Variants in TENT5A observed in about 807,000 individuals in gnomAD.
TENT5A encodes terminal nucleotidyltransferase 5A, also known as HBV X-transactivated gene 11 protein.
Under a neutral mutation model 30.2 loss-of-function variants are expected in TENT5A, and 9 were observed. The observed-to-expected ratio is 0.30, with a 90% CI of 0.18 to 0.52. The LOEUF (loss-of-function observed/expected upper bound fraction) is 0.52. TENT5A is among the 20% of genes least tolerant of loss of function. TENT5A has a pLI of 0.97. For synonymous variants in TENT5A, 264 were observed against 234.2 expected, an observed-to-expected ratio of 1.13 and a Z score of -1.16; for missense variants, 411 against 566.1, an observed-to-expected ratio of 0.73 and a Z score of 2.78.
chr6:81,751,525 G>T, intron 2 of TENT5A, 65 bp downstream of exon 2: 2 of 1,432,028 alleles, frequency 1.4e-6, no homozygotes, highest in Non-Finnish European at 1.9e-6. Flanking sequence ...ATGCCCCTCT[G>T]CCCGCTCCCC....
Position 81,746,270 on chromosome 6 carries a change from A to T in TENT5A, c.*3425T>A. 1.7e-6 allele frequency: 2 copies of T among 1,186,642 alleles called. No homozygotes were observed. Among genetic ancestry groups the T allele is most frequent in the Non-Finnish European group, 2.1e-6 (2 of 960,092 alleles). The allele number at this position is 1,186,642 out of a possible 1,614,324, so 73.5% of individuals were successfully genotyped here. On this transcript the variant is annotated 3_prime_UTR_variant, in exon 3 of 3. Coordinates refer to ENST00000320172, the MANE Select transcript of TENT5A (RefSeq NM_017633.3). ...CAAAAAAGCTTATTTTTGAACTGACAGCTTTCAACATAATACATTTCATTT... is the reference window on the plus strand; with the variant it reads ...CAAAAAAGCTTATTTTTGAACTGACTGCTTTCAACATAATACATTTCATTT...
In TENT5A at chr6:81,749,835, T is replaced by G. The variant is rs760735219; in HGVS notation, c.1189A>C (p.Asn397His). 3.7e-6 allele frequency: 6 copies of G among 1,613,976 alleles called. No individual in the cohort carries two copies. In the African/African-American group the frequency reaches 8.0e-5, roughly 22 times the overall value. ...TAATAGCAAGTGACATTAGCCACAT[T>G]AGGAATGACATTTTGGTCAGCTAAC... Reference protein sequence around the residue: ...RVLADQNVIPNVANVTCYYQP... With the variant: ...RVLADQNVIPHVANVTCYYQP... The change falls in exon 3 of 3, where the codon AAT becomes CAT. Residue 397 changes from asparagine to histidine, a missense_variant. Coordinates refer to ENST00000320172, the MANE Select transcript of TENT5A (RefSeq NM_017633.3).
Position 81,750,609 on chromosome 6 carries a change from A to G in TENT5A, c.553-138T>C, listed in dbSNP as rs1289094162. 1.7e-6 allele frequency: 1 copy of G among 577,780 alleles called. No individual in the cohort carries two copies. The highest frequency in any genetic ancestry group is 3.0e-5 in the East Asian group (1 of 32,984). The allele number at this position is 577,780 out of a possible 1,614,324, so 35.8% of individuals were successfully genotyped here. On this transcript the variant is annotated intron_variant, in intron 2 of 2. Transcript: ENST00000320172. This position sits in a 1 kb window ranked among gnomAD's most constrained non-coding sequence, Gnocchi z 4.2. Reference sequence around the variant, plus strand: ...CAAGTTTCAGCCAAACACTACCTACAGGCTTAAACGGTCTTCTGAAAATAG... The same window carrying G: ...CAAGTTTCAGCCAAACACTACCTACGGGCTTAAACGGTCTTCTGAAAATAG...
In TENT5A at chr6:81,745,881, C is replaced by A. The variant is rs974925131; in HGVS notation, c.*3814G>T. ...AACTCCTTTTCTGCCTGTGACGCAG[C>A]CTATAGTCAAAATATTCCAAAAGAG... On this transcript the variant is annotated 3_prime_UTR_variant, in exon 3 of 3. Transcript: ENST00000320172. 2 of 985,472 alleles carry A rather than the reference C, an allele frequency of 2.0e-6. No homozygotes were observed. The highest frequency in any genetic ancestry group is 6.2e-5 in the Admixed American group (1 of 16,256). 61.0% of individuals were successfully genotyped at this position (985,472 alleles called of 1,614,324 possible).
rs1184773963 is a variant in TENT5A at position 81,746,614 on chromosome 6, G to A, written c.*3081C>T. 1.6e-6 allele frequency: 2 copies of A among 1,231,962 alleles called. No homozygotes were observed. Among genetic ancestry groups the A allele is most frequent in the South Asian group, 4.1e-5 (1 of 24,324 alleles). The allele number at this position is 1,231,962 out of a possible 1,614,324, so 76.3% of individuals were successfully genotyped here. Reference sequence around the variant, plus strand: ...ACCTTTAAAAACGGCATTGTCACAGGCTATGTGTTCTCTGACATGCCAGGC... The same window carrying A: ...ACCTTTAAAAACGGCATTGTCACAGACTATGTGTTCTCTGACATGCCAGGC... On this transcript the variant is annotated 3_prime_UTR_variant, in exon 3 of 3. Coordinates refer to ENST00000320172, the MANE Select transcript of TENT5A (RefSeq NM_017633.3).
Position 81,747,852 on chromosome 6 carries a change from C to A in TENT5A, c.*1843G>T. On this transcript the variant is annotated 3_prime_UTR_variant, in exon 3 of 3. Transcript: ENST00000320172. ...GGAGAAAGGGTGGTTTTAGGATTAG[C>A]TGTTATTGAACTGAAATAGTAATGC... The A allele has an allele frequency of 1.0e-6, 1 of 985,768 alleles. No homozygotes were observed. The highest frequency in any genetic ancestry group is 1.2e-6 in the Non-Finnish European group (1 of 829,894). The allele number at this position is 985,768 out of a possible 1,614,324, so 61.1% of individuals were successfully genotyped here.
chr6:81,752,010 A>AAGTCGCCGCCGCCGAAGTCGCCG lies in TENT5A; in HGVS notation c.131_132insCGGCGACTTCGGCGGCGGCGACT (p.Gly46AspfsTer29), dbSNP rs1769048919. On this transcript the variant is annotated frameshift_variant, in exon 2 of 3. Transcript: ENST00000320172. LOFTEE classifies it high-confidence loss of function. ...AGCAATGCCCACCGAAGCTGCCGCC[A>AAGTCGCCGCCGCCGAAGTCGCCG]CCGCCGAAGTCGCCGCCGCCGAAGT... The AAGTCGCCGCCGCCGAAGTCGCCG allele has an allele frequency of 2.5e-5, 33 of 1,341,592 alleles. No homozygotes were observed. Among genetic ancestry groups the AAGTCGCCGCCGCCGAAGTCGCCG allele is most frequent in the African/African-American group, 1.9e-4 (12 of 61,968 alleles). 83.1% of individuals were successfully genotyped at this position (1,341,592 alleles called of 1,614,324 possible).
chr6:81,752,202 C>T, intron 1 of TENT5A, 24 bp from the exon 2 acceptor site: 1 of 1,476,544 alleles, frequency 6.8e-7, no homozygotes, highest in Middle Eastern at 1.8e-4. Flanking sequence ...GAAAGGAGCG[C>T]GGTGAGGACG....
In TENT5A at chr6:81,748,035, G is replaced by A. The variant is rs1224707933; in HGVS notation, c.*1660C>T. ...TTCATATTGACATGATTTATAAAAT[G>A]TTATATATAATATATATCTCATATA... On this transcript the variant is annotated 3_prime_UTR_variant, in exon 3 of 3. Coordinates refer to ENST00000320172, the MANE Select transcript of TENT5A (RefSeq NM_017633.3). 11 of 958,786 alleles carry A rather than the reference G, an allele frequency of 1.1e-5. No homozygotes were observed. Among genetic ancestry groups the A allele is most frequent in the Non-Finnish European group, 1.4e-5 (11 of 805,680 alleles). The allele number at this position is 958,786 out of a possible 1,614,324, so 59.4% of individuals were successfully genotyped here. A position where few individuals can be genotyped will look rare whatever the true frequency, so the allele number is the denominator to read the frequency against.
At position 81,746,838 on chromosome 6, in the gene TENT5A, A is replaced by G; in HGVS notation, c.*2857T>C. The stretch of plus-strand genomic sequence containing the variant: ...TTAGGCCGCACATCCACAAAGAGAG[A>G]CATATATTTCACTGTGTGTTCAACT... On this transcript the variant is annotated 3_prime_UTR_variant, in exon 3 of 3. Coordinates refer to ENST00000320172, the MANE Select transcript of TENT5A (RefSeq NM_017633.3). The G allele has an allele frequency of 4.3e-6, 5 of 1,152,168 alleles. No homozygotes were observed. The highest frequency in any genetic ancestry group is 5.3e-6 in the Non-Finnish European group (5 of 938,206). The allele number at this position is 1,152,168 out of a possible 1,614,324, so 71.4% of individuals were successfully genotyped here.
chr6:81,751,820 G>A lies in TENT5A; in HGVS notation c.322C>T (p.Leu108=). The A allele has an allele frequency of 1.9e-6, 3 of 1,612,664 alleles. No individual in the cohort carries two copies. The highest frequency in any genetic ancestry group is 1.1e-5 in the South Asian group (1 of 91,058). The part of the protein sequence containing the change: ...SLIVKVVRRR[L]AEKRIGVRDV... The stretch of plus-strand genomic sequence containing the variant: ...CGGACGCCAATGCGCTTCTCGGCCA[G>A]GCGCCGCCGCACCACCTTCACGATC... The change falls in exon 2 of 3, where the codon CTG becomes TTG. Residue 108 remains leucine, a synonymous_variant. Coordinates refer to ENST00000320172, the MANE Select transcript of TENT5A (RefSeq NM_017633.3).
At chr6:81,752,343 C>T (rs1581992503) in intron 1 of TENT5A, 88 bp downstream of exon 1, 3 of 1,548,968 alleles carry the variant, frequency 1.9e-6, no homozygotes, top group Non-Finnish European at 2.6e-6. Context: ...CAGTCCCCAG[C>T]CGCGCACCGC....
In TENT5A at chr6:81,749,580, T is replaced by C. The variant is rs1768983883; in HGVS notation, c.*115A>G. 4 of 1,453,470 alleles carry C rather than the reference T, an allele frequency of 2.8e-6. No individual in the cohort carries two copies. Among genetic ancestry groups the C allele is most frequent in the Non-Finnish European group, 3.6e-6 (4 of 1,106,368 alleles). 90.0% of individuals were successfully genotyped at this position (1,453,470 alleles called of 1,614,324 possible). ...ACTTAAAACCAGGAGCATATCATCATTGCACAAAACACATCCCTAATAAGG... is the reference window on the plus strand; with the variant it reads ...ACTTAAAACCAGGAGCATATCATCACTGCACAAAACACATCCCTAATAAGG... On this transcript the variant is annotated 3_prime_UTR_variant, in exon 3 of 3. Transcript: ENST00000320172.
rs1490086493 is a variant in TENT5A at position 81,750,606 on chromosome 6, T to G, written c.553-135A>C. ...TGTCAAGTTTCAGCCAAACACTACC[T>G]ACAGGCTTAAACGGTCTTCTGAAAA... On this transcript the variant is annotated intron_variant, in intron 2 of 2. Transcript: ENST00000320172. The surrounding 1 kb of genome is among the most constrained non-coding windows in gnomAD (Gnocchi z 4.2). 5 of 595,618 alleles carry G rather than the reference T, an allele frequency of 8.4e-6. No individual in the cohort carries two copies. Among genetic ancestry groups the G allele is most frequent in the Non-Finnish European group, 1.4e-5 (5 of 354,018 alleles). 36.9% of individuals were successfully genotyped at this position (595,618 alleles called of 1,614,324 possible). A position where few individuals can be genotyped will look rare whatever the true frequency, so the allele number is the denominator to read the frequency against.
chr6:81,749,978 T>C lies in TENT5A; in HGVS notation c.1046A>G (p.Asp349Gly), dbSNP rs1768998456. Residue 349 changes from aspartate to glycine, a missense_variant, in exon 3 of 3, where the codon GAC becomes GGC. Physicochemically the swap from Asp to Gly is moderately conservative, Grantham distance 94. Transcript: ENST00000320172. ...GGTCATGAGATACTCATACTTGCGG[T>C]CTTCCAATCCCACAAAGTGGTTCTG... ...YLQNHFVGLE[D>G]RKYEYLMTLH... 8 of 1,614,202 alleles carry C rather than the reference T, an allele frequency of 5.0e-6. No homozygotes were observed. The highest frequency in any genetic ancestry group is 5.1e-6 in the Non-Finnish European group (6 of 1,180,020).
Position 81,748,515 on chromosome 6 carries a change from G to A in TENT5A, c.*1180C>T, listed in dbSNP as rs1581988969. On this transcript the variant is annotated 3_prime_UTR_variant, in exon 3 of 3. Transcript: ENST00000320172. ...TGGATTTAATTCATCATTGCAATAT[G>A]CCCACGTCTCATGTTATCCTGTTGA... The A allele has an allele frequency of 2.0e-6, 2 of 980,136 alleles. No homozygotes were observed. The highest frequency in any genetic ancestry group is 9.4e-5 in the South Asian group (2 of 21,172). The allele number at this position is 980,136 out of a possible 1,614,324, so 60.7% of individuals were successfully genotyped here. A position where few individuals can be genotyped will look rare whatever the true frequency, so the allele number is the denominator to read the frequency against.
rs1768916823 is a variant in TENT5A, at chr6:81,747,821, T to C, written c.*1874A>G. 4 of 985,698 alleles carry C rather than the reference T, an allele frequency of 4.1e-6. No homozygotes were observed. The highest frequency in any genetic ancestry group is 3.5e-5 in the African/African-American group (2 of 57,238). 61.1% of individuals were successfully genotyped at this position (985,698 alleles called of 1,614,324 possible). On this transcript the variant is annotated 3_prime_UTR_variant, in exon 3 of 3. Coordinates refer to ENST00000320172, the MANE Select transcript of TENT5A (RefSeq NM_017633.3). Reference sequence around the variant, plus strand: ...AGAGACCAGTATCTAGAGGAACTACTGGCTAGGAGAAAGGGTGGTTTTAGG... The same window carrying C: ...AGAGACCAGTATCTAGAGGAACTACCGGCTAGGAGAAAGGGTGGTTTTAGG...
chr6:81,746,419 C>A lies in TENT5A; in HGVS notation c.*3276G>T. On this transcript the variant is annotated 3_prime_UTR_variant, in exon 3 of 3. Coordinates refer to ENST00000320172, the MANE Select transcript of TENT5A (RefSeq NM_017633.3). ...AAAACAGTACGTTCACTTTTCATTT[C>A]CTTCCTTGGTTTGGATTACACATAT... The A allele has an allele frequency of 8.1e-7, 1 of 1,231,138 alleles. No homozygotes were observed. The highest frequency in any genetic ancestry group is 1.0e-6 in the Non-Finnish European group (1 of 987,426). 76.3% of individuals were successfully genotyped at this position (1,231,138 alleles called of 1,614,324 possible). A position where few individuals can be genotyped will look rare whatever the true frequency, so the allele number is the denominator to read the frequency against.
At chr6:81,751,202 C>T (rs1429023021) in intron 2 of TENT5A, among the ~76,000 whole-genome samples, 1 of 152,200 alleles carries the variant, frequency 6.6e-6, no homozygotes, top group Non-Finnish European at 1.5e-5. Context: ...CTGCTTCAGG[C>T]TGTTATTTTC....
Sources: gnomAD v4.1 joint callset for allele counts (sites outside exome capture counted in the v4.1 genomes callset) on GRCh38, gnomAD v4.1.1 for gene constraint, Gnocchi (gnomAD v3.1) non-coding constraint, MANE v1.5 for transcripts, NCBI Gene and HGNC (gene_info 2026-07-23, HGNC 2026-07-21) for gene names.